Variants in PLCB1 observed in about 807,000 individuals in gnomAD.
The protein encoded by PLCB1 is phospholipase C beta 1, also known as 1-phosphatidylinositol 4,5-bisphosphate phosphodiesterase beta-1.
In PLCB1, 46 loss-of-function variants were observed where a neutral mutation model predicts 161.8. That is an observed-to-expected ratio of 0.28 (90% CI 0.22 to 0.36). The LOEUF is 0.36. Ranked by LOEUF, PLCB1 falls within the 10% of genes least tolerant of loss-of-function variation. The pLI, the probability that PLCB1 is intolerant of heterozygous loss-of-function variation, is 1.00. For synonymous variants in PLCB1, 517 were observed against 503.7 expected (o/e 1.03, Z -0.35); for missense variants, 1,016 against 1,472.5 (o/e 0.69, Z 5.07).
chr20:8,827,724 G>T (rs6086614), intron 31 of PLCB1, among the ~76,000 whole-genome samples: 43,878 of 152,012 alleles, frequency 0.29, 6,484 homozygotes, highest in Middle Eastern at 0.41. Context: ...CAGTGCCTCT[G>T]TTTGCACAGC....
intron 3 of PLCB1, among the ~76,000 whole-genome samples, chr20:8,579,053 A>G (rs1440669949): frequency 6.6e-6 from 1 of 152,156 alleles, no homozygotes; most frequent in Non-Finnish European, 1.5e-5. Context: ...ACTTGCTGCT[A>G]TTTACTTCGC....
chr20:8,715,310 T>C (rs753219644), intron 12 of PLCB1, among the ~76,000 whole-genome samples: 14 of 152,238 alleles, frequency 9.2e-5, no homozygotes, highest in South Asian at 2.1e-4. Context: ...CTATATCAGC[T>C]GTGTTTACAA....
At chr20:8,875,463 TTTA>T (rs1240253027) in intron 31 of PLCB1, among the ~76,000 whole-genome samples, 1 of 146,670 alleles carries the variant, frequency 6.8e-6, no homozygotes, top group Non-Finnish European at 1.5e-5. Context: ...ATTATATTAA[TTTA>T]TTATGTTTAT....
chr20:8,718,627 G>A (rs1979464507), intron 14 of PLCB1, among the ~76,000 whole-genome samples: 1 of 152,146 alleles, frequency 6.6e-6, no homozygotes, highest in Admixed American at 6.5e-5. Flanking sequence ...TCATTACATT[G>A]GATCCATCCA....
rs529868652 is a variant in PLCB1 at position 8,362,197 on chromosome 20, A to G, written c.178-9185A>G. ...ATAAAACACGTGCTATAAAGAGCCA[A>G]TATATTTCTGAAATTATTCATCTTT... On this transcript the variant is annotated intron_variant, in intron 2 of 31. Coordinates refer to ENST00000338037, the MANE Select transcript of PLCB1 (RefSeq NM_015192.4). Among the ~76,000 whole-genome samples, 14 of 152,332 alleles carry G rather than the reference A, an allele frequency of 9.2e-5. No homozygotes were observed. In the South Asian group the frequency reaches 2.7e-3, roughly 29 times the overall value.
intron 3 of PLCB1, among the ~76,000 whole-genome samples, chr20:8,520,018 T>G (rs1984286284): frequency 6.6e-6 from 1 of 152,134 alleles, no homozygotes; most frequent in African/African-American, 2.4e-5. Context: ...CATGTTTTAG[T>G]CAAGAAGGAA....
intron 3 of PLCB1, among the ~76,000 whole-genome samples, chr20:8,495,675 G>A (rs2122791422): frequency 6.6e-6 from 1 of 152,104 alleles, no homozygotes; most frequent in African/African-American, 2.4e-5. Flanking sequence ...GGGATTACAG[G>A]CGTGAGCCAC....
chr20:8,565,930 C>T (rs1986319491), intron 3 of PLCB1, among the ~76,000 whole-genome samples: 2 of 152,060 alleles, frequency 1.3e-5, no homozygotes, highest in Admixed American at 1.3e-4. Context: ...GAAGTGTGTG[C>T]ACTAGTGACT....
chr20:8,873,982 G>C (rs555166682), intron 31 of PLCB1, among the ~76,000 whole-genome samples: 2 of 152,014 alleles, frequency 1.3e-5, no homozygotes, highest in Admixed American at 1.3e-4. Context: ...TTTTTAAAGT[G>C]TTAAAAGACT....
Position 8,323,245 on chromosome 20 carries a change from T to C in PLCB1, c.178-48137T>C, listed in dbSNP as rs530448480. 2.2e-4 allele frequency among the ~76,000 whole-genome samples: 34 copies of C among 152,316 alleles called. 1 individual carries two copies. The highest frequency in any genetic ancestry group is 6.5e-5 in the Admixed American group (1 of 15,292). On this transcript the variant is annotated intron_variant, in intron 2 of 31. Coordinates refer to ENST00000338037, the MANE Select transcript of PLCB1 (RefSeq NM_015192.4). ...ATAAGGTATTTATAGGAAAATTTAT[T>C]TATAAAATACACAATGTTCCAATTA... is the stretch of plus-strand genomic sequence containing the variant.
intron 9 of PLCB1, among the ~76,000 whole-genome samples, chr20:8,679,836 C>G (rs1311791663): frequency 1.3e-5 from 2 of 152,160 alleles, no homozygotes; most frequent in Non-Finnish European, 1.5e-5. Context: ...CTCAATTTCT[C>G]TTTCTGGTGA....
intron 2 of PLCB1, among the ~76,000 whole-genome samples, chr20:8,287,269 T>C (rs1983163035): frequency 6.6e-6 from 1 of 152,104 alleles, no homozygotes; most frequent in South Asian, 2.1e-4. Context: ...TTATATATGA[T>C]GTTGTAGTAG....
chr20:8,638,580 T>C (rs957387832), intron 4 of PLCB1, among the ~76,000 whole-genome samples: 11 of 152,086 alleles, frequency 7.2e-5, no homozygotes, highest in Non-Finnish European at 1.2e-4. Context: ...CCCAGAAATT[T>C]AAGAATAGAA....
chr20:8,403,700 C>T (rs1362707025), intron 3 of PLCB1, among the ~76,000 whole-genome samples: 1 of 152,188 alleles, frequency 6.6e-6, no homozygotes, highest in East Asian at 1.9e-4. Flanking sequence ...GTTGAGGCTT[C>T]AGTGAGCTCT....
At chr20:8,430,030 C>G (rs1979966013) in intron 3 of PLCB1, among the ~76,000 whole-genome samples, 1 of 151,894 alleles carries the variant, frequency 6.6e-6, no homozygotes, top group Non-Finnish European at 1.5e-5. Context: ...TTGGAGAGAG[C>G]TGGAAACATA....
At chr20:8,407,851 A>C (rs771209380) in intron 3 of PLCB1, among the ~76,000 whole-genome samples, 5 of 152,042 alleles carry the variant, frequency 3.3e-5, no homozygotes, top group African/African-American at 9.7e-5. Flanking sequence ...CAGTCTAATC[A>C]TGAGAAAATC....
intron 1 of PLCB1, among the ~76,000 whole-genome samples, chr20:8,144,878 A>G (rs529983769): frequency 6.6e-5 from 10 of 152,238 alleles, no homozygotes; most frequent in East Asian, 1.9e-4. Flanking sequence ...GCATGCCTCT[A>G]TTCATGTGTG....
intron 31 of PLCB1, among the ~76,000 whole-genome samples, chr20:8,861,654 C>T (rs369252069): frequency 2.0e-5 from 3 of 147,140 alleles, no homozygotes; most frequent in East Asian, 4.0e-4. Context: ...CGCTTGAACC[C>T]GGGAGGCGGA....
chr20:8,497,656 A>G (rs1341658185), intron 3 of PLCB1, among the ~76,000 whole-genome samples: 1 of 152,160 alleles, frequency 6.6e-6, no homozygotes, highest in Non-Finnish European at 1.5e-5. Context: ...TTTATGATCC[A>G]TGTATTGCCT....
Sources: gnomAD v4.1 joint callset for allele counts (sites outside exome capture counted in the v4.1 genomes callset) on GRCh38, gnomAD v4.1.1 for gene constraint, MANE v1.5 for transcripts, NCBI Gene and HGNC (gene_info 2026-07-23, HGNC 2026-07-21) for gene names.